GPHN: variants seen among roughly 807,000 people sequenced by gnomAD.
GPHN encodes gephyrin.
Under a neutral mutation model 95.5 loss-of-function variants are expected in GPHN, and 17 were observed. The observed-to-expected ratio is 0.18, with a 90% CI of 0.12 to 0.27. GPHN has a LOEUF of 0.27. Ranked by LOEUF, GPHN falls within the 10% of genes least tolerant of loss-of-function variation. GPHN has a pLI of 1.00. For synonymous variants in GPHN, 320 were observed against 322.5 expected (o/e 0.99, Z 0.08); for missense variants, 660 against 978.1 (o/e 0.67, Z 4.34).
At chr14:67,639,873 C>T in the GPHN span, among the ~76,000 whole-genome samples, 8 of 142,112 alleles carry the variant, frequency 5.6e-5, no homozygotes, top group South Asian at 2.2e-4. Context: ...TGCAGTGAGC[C>T]GAGATTGTGC....
At chr14:66,714,403 CTT>C (rs1475420994) in intron 2 of GPHN, among the ~76,000 whole-genome samples, 1 of 152,092 alleles carries the variant, frequency 6.6e-6, no homozygotes, top group African/African-American at 2.4e-5. Flanking sequence ...CTGGAGGAGT[CTT>C]TAGGGTTTTT....
chr14:67,035,167 GA>G (rs560440740), intron 10 of GPHN, among the ~76,000 whole-genome samples: 37 of 148,146 alleles, frequency 2.5e-4, no homozygotes, highest in African/African-American at 5.9e-4. Context: ...TAGGTCAAAG[GA>G]AAAAAAAATG....
downstream of GPHN, among the ~76,000 whole-genome samples, chr14:67,182,247 C>CA (rs369644491): frequency 1.2e-4 from 18 of 152,196 alleles, no homozygotes; most frequent in African/African-American, 3.9e-4. Context: ...TGAGAAATGG[C>CA]AAAAAATATC....
the GPHN span, among the ~76,000 whole-genome samples, chr14:67,712,325 G>A: frequency 5.3e-5 from 8 of 152,082 alleles, no homozygotes; most frequent in African/African-American, 1.9e-4. Flanking sequence ...ACCATGTGAT[G>A]CTTTTATAGT....
At chr14:67,385,977 T>G in the GPHN span, 1 of 152,184 alleles carries the variant, frequency 6.6e-6, no homozygotes, top group African/African-American at 2.4e-5. Context: ...CAAATGCCAG[T>G]ACCTTGCCGA....
At chr14:67,587,140 A>C in the GPHN span, 1 of 1,613,708 alleles carries the variant, frequency 6.2e-7, no homozygotes, top group Non-Finnish European at 8.5e-7. Flanking sequence ...GAACCCCCCC[A>C]CCAACCCACC....
At chr14:67,184,946 AAGG>A (rs537464927), downstream of GPHN, among the ~76,000 whole-genome samples, 104 of 152,346 alleles carry the variant, frequency 6.8e-4, no homozygotes, top group Non-Finnish European at 1.1e-3. Flanking sequence ...CCCACAAATC[AAGG>A]AGGAGAGTCT....
At chr14:67,727,072 T>G in the GPHN span, 1 of 1,614,132 alleles carries the variant, frequency 6.2e-7, no homozygotes, top group Admixed American at 1.7e-5. Context: ...CTCACCACAT[T>G]GGCAAGATTC....
At chr14:67,378,861 C>T in the GPHN span, among the ~76,000 whole-genome samples, 1 of 152,172 alleles carries the variant, frequency 6.6e-6, no homozygotes, top group Admixed American at 6.5e-5. Flanking sequence ...ACCTATTTTC[C>T]TCACTTATCA....
chr14:67,570,365 C>T, the GPHN span: 25 of 876,096 alleles, frequency 2.9e-5, no homozygotes, highest in African/African-American at 1.6e-4. Context: ...ATTCCCGTAA[C>T]GTCACTACAT....
Position 66,784,357 on chromosome 14 carries a change from C to A in GPHN, c.201+7836C>A, listed in dbSNP as rs146145212. Among the ~76,000 whole-genome samples the A allele has an allele frequency of 1.4e-3, 217 of 152,102 alleles. 2 individuals are homozygous for A. The highest frequency in any genetic ancestry group is 6.8e-3 in the Middle Eastern group (2 of 292). On this transcript the variant is annotated intron_variant, in intron 3 of 22. Transcript: ENST00000478722. ...AAGAATGAATAAGGACATACTCAAACGCGAAAACTAAAAGAATGTGTCACT... is the reference window on the plus strand; with the variant it reads ...AAGAATGAATAAGGACATACTCAAAAGCGAAAACTAAAAGAATGTGTCACT...
chr14:66,595,311 G>T (rs757437293), intron 1 of GPHN, among the ~76,000 whole-genome samples: 1 of 152,204 alleles, frequency 6.6e-6, no homozygotes, highest in Non-Finnish European at 1.5e-5. Context: ...ATGTCCAAAG[G>T]AAATCATATC....
At chr14:67,288,444 C>G in the GPHN span, among the ~76,000 whole-genome samples, 3 of 152,024 alleles carry the variant, frequency 2.0e-5, no homozygotes, top group Non-Finnish European at 4.4e-5. Flanking sequence ...GTAATCCTAG[C>G]GCTTTGGGTG....
In GPHN at chr14:67,059,014, G is replaced by GAA. The variant is rs77636679; in HGVS notation, c.1144+242_1144+243dup. ...GAAACTGCCTTTTCATTAAAAAAAG[G>GAA]AAAAAAAAAAAAAAAGGAAGAAAAT... On this transcript the variant is annotated intron_variant, in intron 11 of 22. Transcript: ENST00000478722. The GAA allele has an allele frequency of 2.5e-3, 958 of 380,802 alleles. 4 individuals carry two copies. Among genetic ancestry groups the GAA allele is most frequent in the African/African-American group, 0.01 (417 of 39,760 alleles). The allele number at this position is 380,802 out of a possible 1,614,324, so 23.6% of individuals were successfully genotyped here.
chr14:67,614,440 G>T, the GPHN span, among the ~76,000 whole-genome samples: 3 of 152,154 alleles, frequency 2.0e-5, no homozygotes, highest in Non-Finnish European at 4.4e-5. Flanking sequence ...GGAATTTTGT[G>T]AGCCAGTTGT....
At chr14:67,488,677 C>T in the GPHN span, 4 of 152,464 alleles carry the variant, frequency 2.6e-5, no homozygotes, top group African/African-American at 9.6e-5. Flanking sequence ...GGAGACTTCT[C>T]CCCACCCTAG....
Position 66,862,965 on chromosome 14 carries a change from G to A in GPHN, c.295-16974G>A, listed in dbSNP as rs116214835. On this transcript the variant is annotated intron_variant, in intron 4 of 22. Coordinates refer to ENST00000478722, the MANE Select transcript of GPHN (RefSeq NM_020806.5). ...ACTATTATTCAGCGTACTACTGGAA[G>A]TCCCAGCTACAGCAGTCAGAGAAGA... Among the ~76,000 whole-genome samples the A allele has an allele frequency of 4.0e-3, 614 of 152,178 alleles. 2 individuals are homozygous for A. The highest frequency in any genetic ancestry group is 0.014 in the African/African-American group (579 of 41,546).
chr14:67,406,795 A>T, the GPHN span, among the ~76,000 whole-genome samples: 1 of 152,190 alleles, frequency 6.6e-6, no homozygotes, highest in African/African-American at 2.4e-5. Context: ...CCATGCACAG[A>T]GGGCATAGTG....
chr14:66,626,422 C>T (rs1274410129), intron 1 of GPHN, among the ~76,000 whole-genome samples: 1 of 152,052 alleles, frequency 6.6e-6, no homozygotes, highest in Non-Finnish European at 1.5e-5. Context: ...GAAACATTCT[C>T]ATTCTGATCA....
Sources: gnomAD v4.1 joint callset for allele counts (sites outside exome capture counted in the v4.1 genomes callset) on GRCh38, gnomAD v4.1.1 for gene constraint, MANE v1.5 for transcripts, NCBI Gene and HGNC (gene_info 2026-07-23, HGNC 2026-07-21) for gene names.